Variants in THSD4 observed in about 807,000 individuals in gnomAD.
The protein encoded by THSD4 is thrombospondin type 1 domain containing 4, also known as thrombospondin type-1 domain-containing protein 4.
Under a neutral mutation model 119.0 loss-of-function variants are expected in THSD4, and 69 were observed. The ratio of observed to expected loss-of-function variants is 0.58; its 90% CI spans 0.48 to 0.71. The LOEUF is 0.71. Ranked by LOEUF, THSD4 falls within the 30% of genes least tolerant of loss-of-function variation. The probability of loss-of-function intolerance (pLI) is 0.00; values close to 1 mark genes in which losing one functional copy is unlikely to be tolerated. For synonymous variants in THSD4, 524 were observed against 540.4 expected, an observed-to-expected ratio of 0.97 and a Z score of 0.42; for missense variants, 1,393 against 1,391.1, an observed-to-expected ratio of 1.00 and a Z score of -0.02.
At chr15:71,682,375 G>A (rs1311338601) in intron 8 of THSD4, among the ~76,000 whole-genome samples, 4 of 152,140 alleles carry the variant, frequency 2.6e-5, no homozygotes, top group South Asian at 4.2e-4. Context: ...ACACAGTCAC[G>A]TCACTAGTAC....
chr15:71,218,197 C>T (rs1008408986), intron 4 of THSD4, among the ~76,000 whole-genome samples: 8 of 152,108 alleles, frequency 5.3e-5, no homozygotes, highest in Admixed American at 2.0e-4. Context: ...GCTCTAAGGA[C>T]GTGACCTGAT....
intron 8 of THSD4, among the ~76,000 whole-genome samples, chr15:71,726,149 C>T (rs938860752): frequency 6.6e-6 from 1 of 152,174 alleles, no homozygotes; most frequent in African/African-American, 2.4e-5. Context: ...CAGTTTCCAC[C>T]CTTGACCCTT....
intron 11 of THSD4, among the ~76,000 whole-genome samples, chr15:71,741,684 T>TACACACACACAC (rs56080459): frequency 1.8e-4 from 26 of 145,836 alleles, no homozygotes; most frequent in Admixed American, 4.7e-4. Context: ...TGTGTGCATG[T>TACACACACACAC]ACACACACAC....
At chr15:71,673,074 T>C (rs146928520) in intron 8 of THSD4, among the ~76,000 whole-genome samples, 4 of 152,230 alleles carry the variant, frequency 2.6e-5, no homozygotes, top group Non-Finnish European at 4.4e-5. Context: ...TACCAGCTCC[T>C]CTTTGTACCT....
intron 1 of THSD4, among the ~76,000 whole-genome samples, chr15:71,122,974 G>A (rs1157279987): frequency 6.6e-6 from 1 of 152,218 alleles, no homozygotes; most frequent in Non-Finnish European, 1.5e-5. Context: ...GGGAGGCCCA[G>A]ACAAGGGGGA....
intron 7 of THSD4, among the ~76,000 whole-genome samples, chr15:71,624,565 A>T (rs553583870): frequency 3.3e-5 from 5 of 152,288 alleles, no homozygotes; most frequent in African/African-American, 9.6e-5. Flanking sequence ...GTGTGGCTTA[A>T]TTGAAACCCT....
intron 6 of THSD4, among the ~76,000 whole-genome samples, chr15:71,326,177 G>GTGA (rs1329416374): frequency 1.3e-5 from 2 of 152,184 alleles, no homozygotes; most frequent in African/African-American, 2.4e-5. Context: ...CCTAGAACAA[G>GTGA]TGATTTAACC....
chr15:71,632,258 C>T (rs1004182312), intron 7 of THSD4, among the ~76,000 whole-genome samples: 117 of 152,144 alleles, frequency 7.7e-4, no homozygotes, highest in African/African-American at 2.8e-3. Flanking sequence ...TTGGCGTTGC[C>T]TGAGTTCTGT....
chr15:71,272,607 G>A (rs1274978281), intron 6 of THSD4, among the ~76,000 whole-genome samples: 2 of 151,858 alleles, frequency 1.3e-5, no homozygotes, highest in Non-Finnish European at 2.9e-5. Context: ...AAAGATGAAA[G>A]ATGGTAAGTG....
chr15:71,388,916 G>A (rs1256474114), intron 6 of THSD4, among the ~76,000 whole-genome samples: 1 of 152,034 alleles, frequency 6.6e-6, no homozygotes, highest in East Asian at 1.9e-4. Flanking sequence ...TGAGTCATGG[G>A]GGTGGTTCCC....
chr15:71,319,853 A>T (rs1341348277), intron 6 of THSD4, among the ~76,000 whole-genome samples: 1 of 152,212 alleles, frequency 6.6e-6, no homozygotes, highest in South Asian at 2.1e-4. Flanking sequence ...TATTTGGCCA[A>T]CAAGTGTTAC....
chr15:71,567,556 C>A (rs539092402), intron 7 of THSD4, among the ~76,000 whole-genome samples: 1 of 151,262 alleles, frequency 6.6e-6, no homozygotes, highest in African/African-American at 2.4e-5. Context: ...AGCATTACCT[C>A]TTTAGCACTT....
intron 7 of THSD4, among the ~76,000 whole-genome samples, chr15:71,500,062 T>C (rs2048087330): frequency 6.6e-6 from 1 of 152,156 alleles, no homozygotes; most frequent in Non-Finnish European, 1.5e-5. Context: ...CACCTTACTG[T>C]TTACCATTGC....
At chr15:71,594,737 C>T (rs1369376186) in intron 7 of THSD4, among the ~76,000 whole-genome samples, 3 of 152,212 alleles carry the variant, frequency 2.0e-5, no homozygotes, top group African/African-American at 4.8e-5. Context: ...TACCCCATAT[C>T]AGTATTGTGT....
chr15:71,287,173 C>A (rs1395630178), intron 6 of THSD4, among the ~76,000 whole-genome samples: 1 of 152,084 alleles, frequency 6.6e-6, no homozygotes, highest in Non-Finnish European at 1.5e-5. Flanking sequence ...ATATGCCCGA[C>A]AAAATGAAAT....
intron 7 of THSD4, among the ~76,000 whole-genome samples, chr15:71,473,701 C>A (rs2047616368): frequency 6.6e-6 from 1 of 152,218 alleles, no homozygotes; most frequent in Non-Finnish European, 1.5e-5. Flanking sequence ...GGACCCTGAC[C>A]CCTGTTTTGG....
At chr15:71,567,018 C>T (rs1407476453) in intron 7 of THSD4, among the ~76,000 whole-genome samples, 3 of 152,082 alleles carry the variant, frequency 2.0e-5, no homozygotes, top group Non-Finnish European at 2.9e-5. Flanking sequence ...TTGGAAACTG[C>T]AGGACAGATA....
At chr15:71,493,910 G>A (rs900079228) in intron 7 of THSD4, among the ~76,000 whole-genome samples, 1 of 152,180 alleles carries the variant, frequency 6.6e-6, no homozygotes, top group Non-Finnish European at 1.5e-5. Context: ...CAGAGGTTGC[G>A]CTGCATGTGA....
chr15:71,761,412 T>A (rs2053626463), intron 15 of THSD4, among the ~76,000 whole-genome samples: 1 of 152,226 alleles, frequency 6.6e-6, no homozygotes, highest in African/African-American at 2.4e-5. Context: ...TGATATTATC[T>A]GGATCTAGCT....
Sources: gnomAD v4.1 joint callset for allele counts (sites outside exome capture counted in the v4.1 genomes callset) on GRCh38, gnomAD v4.1.1 for gene constraint, MANE v1.5 for transcripts, NCBI Gene and HGNC (gene_info 2026-07-23, HGNC 2026-07-21) for gene names.